ALKBH8: variants seen among roughly 807,000 people sequenced by gnomAD.
ALKBH8 encodes alkB homolog 8, tRNA methyltransferase.
Under a neutral mutation model 59.8 loss-of-function variants are expected in ALKBH8, and 36 were observed. That is an observed-to-expected ratio of 0.60 (90% CI 0.46 to 0.79). The LOEUF is 0.79. Ranked by LOEUF, ALKBH8 falls within the 30% of genes least tolerant of loss-of-function variation. ALKBH8 has a pLI of 0.00. For synonymous variants in ALKBH8, 276 were observed against 273.6 expected (o/e 1.01, Z -0.09); for missense variants, 768 against 801.0 (o/e 0.96, Z 0.50).
At chr11:107,506,973 T>C (rs1268218417) in intron 11 of ALKBH8, among the ~76,000 whole-genome samples, 1 of 146,704 alleles carries the variant, frequency 6.8e-6, no homozygotes, top group Non-Finnish European at 1.5e-5. Context: ...TTAAATGTTA[T>C]TAATGAAGTC....
At position 107,554,635 on chromosome 11, in the gene ALKBH8, G is replaced by A. The variant is rs546085606; in HGVS notation, c.368-657C>T. On this transcript the variant is annotated intron_variant, in intron 3 of 11. Transcript: ENST00000428149. ...ACATGATCTCTGAAGCTTTTCTGCTGGACAGTTTTCTGCCAGGCAGATTAA... is the reference window on the plus strand; with the variant it reads ...ACATGATCTCTGAAGCTTTTCTGCTAGACAGTTTTCTGCCAGGCAGATTAA... Among the ~76,000 whole-genome samples, 51 of 152,256 alleles carry A rather than the reference G, an allele frequency of 3.3e-4. 2 individuals are homozygous for A. The South Asian group carries it at 9.5e-3, about 28-fold the overall frequency.
rs1212548369 is a variant in ALKBH8, at chr11:107,504,242, T to C, written c.*416A>G. 9.2e-6 allele frequency: 4 copies of C among 435,102 alleles called. No homozygotes were observed. The highest frequency in any genetic ancestry group is 9.2e-5 in the South Asian group (2 of 21,782). 27.0% of individuals were successfully genotyped at this position (435,102 alleles called of 1,614,324 possible). ...TATGATTTTACAGAGCTAAAAATCA[T>C]AGGTAAAACTTCAGACAATTTTCTA... On this transcript the variant is annotated 3_prime_UTR_variant, in exon 12 of 12. Coordinates refer to ENST00000428149, the MANE Select transcript of ALKBH8 (RefSeq NM_138775.3).
At chr11:107,545,697 GC>G (rs376732508) in intron 7 of ALKBH8, among the ~76,000 whole-genome samples, 449 of 152,266 alleles carry the variant, frequency 2.9e-3, no homozygotes, top group Non-Finnish European at 4.7e-3. Flanking sequence ...AATATCAGCA[GC>G]TATCTCTGCC....
intron 5 of ALKBH8, among the ~76,000 whole-genome samples, chr11:107,552,895 G>C (rs974791316): frequency 1.3e-5 from 2 of 152,056 alleles, no homozygotes; most frequent in Non-Finnish European, 2.9e-5. Flanking sequence ...AGCAGCATGG[G>C]AATAAGGATA....
At chr11:107,528,601 T>G (rs1162199844) in intron 8 of ALKBH8, among the ~76,000 whole-genome samples, 1 of 152,178 alleles carries the variant, frequency 6.6e-6, no homozygotes, top group Non-Finnish European at 1.5e-5. Context: ...GAAGAGTAAA[T>G]CATTCTCTAT....
At chr11:107,507,806 G>C (rs1384126667) in intron 11 of ALKBH8, among the ~76,000 whole-genome samples, 1 of 152,160 alleles carries the variant, frequency 6.6e-6, no homozygotes, top group Non-Finnish European at 1.5e-5. Flanking sequence ...GTAGTGAAGG[G>C]ATGTGGCACA....
chr11:107,517,213 A>AT (rs1471724279), intron 10 of ALKBH8, among the ~76,000 whole-genome samples: 1 of 152,174 alleles, frequency 6.6e-6, no homozygotes, highest in Admixed American at 6.6e-5. Flanking sequence ...AAACAATGAG[A>AT]TTTTACCTCA....
intron 11 of ALKBH8, among the ~76,000 whole-genome samples, chr11:107,508,365 G>T (rs61908178): frequency 0.2 from 30,661 of 151,894 alleles, 3,886 homozygotes; most frequent in South Asian, 0.38. Flanking sequence ...TAAAGATGAG[G>T]TTTTGCTTTG....
chr11:107,516,812 C>A (rs1350197635), intron 10 of ALKBH8, among the ~76,000 whole-genome samples: 1 of 152,042 alleles, frequency 6.6e-6, no homozygotes, highest in African/African-American at 2.4e-5. Context: ...GAAGCCCAGG[C>A]CTGGATCACT....
intron 7 of ALKBH8, among the ~76,000 whole-genome samples, chr11:107,547,673 A>AGAG (rs58693951): frequency 6.6e-6 from 1 of 151,798 alleles, no homozygotes; most frequent in East Asian, 1.9e-4. Context: ...GGTTTTAAGA[A>AGAG]TATGTTCAAG....
In ALKBH8 at chr11:107,522,510, G is replaced by A. The variant is rs1459715924; in HGVS notation, c.1076C>T (p.Ser359Leu). The change falls in exon 10 of 12, where the codon TCA becomes TTA. Residue 359 changes from serine to leucine, a missense_variant. By Grantham distance (145) the Ser-to-Leu change is moderately radical. Coordinates refer to ENST00000428149, the MANE Select transcript of ALKBH8 (RefSeq NM_138775.3). ...GGCTTCTTTATCACTCTCTGGAAAT[G>A]AGGGGGGAGTCTCTTTCCTCTGGCT... ...CDSQRKETPP[S>L]FPESDKEASR... 4.5e-6 allele frequency: 7 copies of A among 1,551,650 alleles called. No individual in the cohort carries two copies. The highest frequency in any genetic ancestry group is 1.2e-5 in the South Asian group (1 of 84,062).
chr11:107,556,817 C>T lies in ALKBH8; in HGVS notation c.316G>A (p.Val106Met), dbSNP rs151317361. Residue 106 changes from valine to methionine, a missense_variant, in exon 3 of 12, where the codon GTG (valine) becomes ATG (methionine). Val to Met is a conservative substitution (Grantham distance 21, BLOSUM62 1). Transcript: ENST00000428149. ...AYVTLNGKEV[V>M]DDLGQKITLY... Reference sequence around the variant, plus strand: ...GTGATCTTTTGTCCTAAATCATCCACTACTTCTTTTCCATTGAGGGTAACA... The same window carrying T: ...GTGATCTTTTGTCCTAAATCATCCATTACTTCTTTTCCATTGAGGGTAACA... 1.5e-3 allele frequency: 2,275 copies of T among 1,493,652 alleles called. 3 individuals are homozygous for T. The highest frequency in any genetic ancestry group is 1.5e-3 in the Non-Finnish European group (1,652 of 1,117,064). The allele number at this position is 1,493,652 out of a possible 1,614,324, so 92.5% of individuals were successfully genotyped here. A position where few individuals can be genotyped will look rare whatever the true frequency, so the allele number is the denominator to read the frequency against.
Position 107,510,807 on chromosome 11 carries a change from G to C in ALKBH8, c.1437+80C>G, listed in dbSNP as rs655009. 41 of 1,415,350 alleles carry C rather than the reference G, an allele frequency of 2.9e-5. No homozygotes were observed. In the African/African-American group the frequency reaches 4.1e-4, roughly 14 times the overall value. The allele number at this position is 1,415,350 out of a possible 1,614,324, so 87.7% of individuals were successfully genotyped here. ...GGAAAGAACTGAAAAGCTAAAACAG[G>C]GTCCAAAATCAGCAAAATTCATGAA... On this transcript the variant is annotated intron_variant, in intron 11 of 11. Coordinates refer to ENST00000428149, the MANE Select transcript of ALKBH8 (RefSeq NM_138775.3).
chr11:107,504,739 G>A lies in ALKBH8; in HGVS notation c.1914C>T (p.Ala638=), dbSNP rs747337870. The change falls in exon 12 of 12, where the codon GCC becomes GCT. Residue 638 remains alanine, a synonymous_variant. Coordinates refer to ENST00000428149, the MANE Select transcript of ALKBH8 (RefSeq NM_138775.3). The stretch of plus-strand genomic sequence containing the variant: ...TTCTGACATCACTCACAGTCCTGCA[G>A]GCACCTTCCAGTTCTCCCTCACGGA... The part of the protein sequence containing the change: ...HVFREGELEG[A]CRTVSDVRIL... 2 of 1,552,070 alleles carry A rather than the reference G, an allele frequency of 1.3e-6. No homozygotes were observed. Among genetic ancestry groups the A allele is most frequent in the South Asian group, 1.2e-5 (1 of 84,040 alleles).
chr11:107,563,404 G>A lies in ALKBH8; in HGVS notation c.-7+2197C>T, dbSNP rs1014630824. ...AGGTTCAAATCTCAGCTCAACCACT[G>A]ATTATTAGCTGTATAATCCTAGATG... On this transcript the variant is annotated intron_variant, in intron 1 of 11. Coordinates refer to ENST00000428149, the MANE Select transcript of ALKBH8 (RefSeq NM_138775.3). 2.0e-5 allele frequency: 3 copies of A among 152,114 alleles called. No homozygotes were observed. The East Asian group carries it at 5.8e-4, about 29-fold the overall frequency. The allele number at this position is 152,114 out of a possible 1,614,324, so 9.4% of individuals were successfully genotyped here.
intron 8 of ALKBH8, among the ~76,000 whole-genome samples, chr11:107,529,353 G>A (rs1736708887): frequency 6.6e-6 from 1 of 152,162 alleles, no homozygotes; most frequent in African/African-American, 2.4e-5. Context: ...AATGCTTCCT[G>A]GGGCCAGTCA....
In ALKBH8 at chr11:107,539,722, C is replaced by CCA. The variant is rs1010005711; in HGVS notation, c.772-7318_772-7317dup. Among the ~76,000 whole-genome samples, 4 of 152,218 alleles carry CCA rather than the reference C, an allele frequency of 2.6e-5. No homozygotes were observed. The South Asian group carries it at 8.3e-4, about 32-fold the overall frequency. On this transcript the variant is annotated intron_variant, in intron 7 of 11. Coordinates refer to ENST00000428149, the MANE Select transcript of ALKBH8 (RefSeq NM_138775.3). ...AAAAAGCAAAAACAGAAAACAACCC[C>CCA]CACACACAGGAAACTTAAATCCATT...
chr11:107,513,818 G>A lies in ALKBH8; in HGVS notation c.1288-2782C>T, dbSNP rs151061971. Among the ~76,000 whole-genome samples the A allele has an allele frequency of 2.4e-4, 37 of 152,188 alleles. No homozygotes were observed. In the East Asian group the frequency reaches 4.8e-3, roughly 20 times the overall value. On this transcript the variant is annotated intron_variant, in intron 10 of 11. Transcript: ENST00000428149. The stretch of plus-strand genomic sequence containing the variant: ...AAAACCAAATACTGCATGTTTTCAC[G>A]TATAAGTAAGAGCTAAATGCTGAGT...
intron 10 of ALKBH8, among the ~76,000 whole-genome samples, chr11:107,513,856 G>A (rs1350049282): frequency 1.3e-5 from 2 of 152,120 alleles, no homozygotes; most frequent in African/African-American, 2.4e-5. Flanking sequence ...ACATGGACAC[G>A]AAGAAGGGAA....
Sources: gnomAD v4.1 joint callset for allele counts (sites outside exome capture counted in the v4.1 genomes callset) on GRCh38, gnomAD v4.1.1 for gene constraint, MANE v1.5 for transcripts, NCBI Gene and HGNC (gene_info 2026-07-23, HGNC 2026-07-21) for gene names.